ANAPC10: variants seen among roughly 807,000 people sequenced by gnomAD.
ANAPC10 encodes the protein anaphase-promoting complex subunit 10.
In ANAPC10, 12 loss-of-function variants were observed where a neutral mutation model predicts 22.0. The observed-to-expected ratio is 0.55, with a 90% CI of 0.35 to 0.88. ANAPC10 has a LOEUF of 0.88. ANAPC10 is among the 40% of genes least tolerant of loss of function. ANAPC10 has a pLI of 0.01. For missense variants in ANAPC10, 188 were observed against 220.9 expected (o/e 0.85, Z 0.94); for synonymous variants, 65 against 69.5 (o/e 0.94, Z 0.32).
chr4:145,003,274 A>C (rs1485811085), intron 4 of ANAPC10, among the ~76,000 whole-genome samples: 3 of 152,304 alleles, frequency 2.0e-5, no homozygotes, highest in Non-Finnish European at 4.4e-5. Context: ...CATTTAAAAA[A>C]TCTACTCTAC....
chr4:145,022,057 T>C (rs2126992476), intron 4 of ANAPC10, among the ~76,000 whole-genome samples: 1 of 152,240 alleles, frequency 6.6e-6, no homozygotes, highest in African/African-American at 2.4e-5. Context: ...TCTACACTGC[T>C]GGAATGTAAA....
intron 2 of ANAPC10, among the ~76,000 whole-genome samples, chr4:145,092,551 C>A (rs1014637281): frequency 6.6e-6 from 1 of 152,082 alleles, no homozygotes; most frequent in African/African-American, 2.4e-5. Flanking sequence ...TGACAAAGAC[C>A]AAATGCAGGC....
intron 4 of ANAPC10, among the ~76,000 whole-genome samples, chr4:145,029,920 A>G (rs1245072439): frequency 6.6e-6 from 1 of 152,168 alleles, no homozygotes; most frequent in Non-Finnish European, 1.5e-5. Flanking sequence ...TCTTCTCTGT[A>G]TGTCAGATCT....
At chr4:145,052,696 T>C (rs1275186940) in intron 4 of ANAPC10, among the ~76,000 whole-genome samples, 1 of 151,856 alleles carries the variant, frequency 6.6e-6, no homozygotes, top group Admixed American at 6.6e-5. Flanking sequence ...GGTCCGGAGA[T>C]TGAGACCATC....
chr4:145,016,866 G>A (rs956083447), intron 4 of ANAPC10, among the ~76,000 whole-genome samples: 1 of 152,114 alleles, frequency 6.6e-6, no homozygotes, highest in African/African-American at 2.4e-5. Flanking sequence ...AACAAGAAAT[G>A]GGGAAAGGAT....
At chr4:144,999,675 C>T (rs964864663) in intron 4 of ANAPC10, among the ~76,000 whole-genome samples, 1 of 152,210 alleles carries the variant, frequency 6.6e-6, no homozygotes, top group Non-Finnish European at 1.5e-5. Context: ...CTACCAATGA[C>T]TTTCTTCATA....
chr4:145,004,478 T>C (rs772055732), intron 4 of ANAPC10, among the ~76,000 whole-genome samples: 5 of 152,196 alleles, frequency 3.3e-5, no homozygotes, highest in Admixed American at 6.5e-5. Flanking sequence ...GGCTGTGGGT[T>C]TGTCAAAGAT....
chr4:145,020,460 C>T lies in ANAPC10; in HGVS notation c.328-24857G>A, dbSNP rs111909725. ...GTAATAAAAGCCATCTATGACAAAC[C>T]CACAGCAAATATAATACTGAATGGC... On this transcript the variant is annotated intron_variant, in intron 4 of 4. Coordinates refer to ENST00000507656, the MANE Select transcript of ANAPC10 (RefSeq NM_001256706.2). Among the ~76,000 whole-genome samples, 1,188 of 152,150 alleles carry T rather than the reference C, an allele frequency of 7.8e-3. 18 individuals are homozygous for T. Among genetic ancestry groups the T allele is most frequent in the African/African-American group, 0.026 (1,096 of 41,508 alleles).
At chr4:145,077,647 C>G (rs1745383424) in intron 3 of ANAPC10, among the ~76,000 whole-genome samples, 2 of 152,134 alleles carry the variant, frequency 1.3e-5, no homozygotes, top group South Asian at 4.1e-4. Context: ...CTGAAACCAG[C>G]AGCACATCAA....
At chr4:145,031,714 AG>A (rs1354915491) in intron 4 of ANAPC10, among the ~76,000 whole-genome samples, 1 of 152,138 alleles carries the variant, frequency 6.6e-6, no homozygotes, top group African/African-American at 2.4e-5. Context: ...TGCTGTTTGG[AG>A]CCTTTGGCAG....
chr4:145,050,247 T>C (rs978005479), intron 4 of ANAPC10, among the ~76,000 whole-genome samples: 6 of 152,214 alleles, frequency 3.9e-5, no homozygotes, highest in East Asian at 1.9e-4. Flanking sequence ...ACTATGTCCA[T>C]TGTCAACAAG....
At chr4:145,030,744 T>A (rs1466388610) in intron 4 of ANAPC10, among the ~76,000 whole-genome samples, 4 of 152,202 alleles carry the variant, frequency 2.6e-5, no homozygotes. Flanking sequence ...AAAGGCCAAA[T>A]GGAAGCCAAT....
At chr4:145,041,020 A>G (rs1739428959) in intron 4 of ANAPC10, among the ~76,000 whole-genome samples, 1 of 152,198 alleles carries the variant, frequency 6.6e-6, no homozygotes, top group African/African-American at 2.4e-5. Context: ...CTCCAGTTAT[A>G]TTAAAAAAAA....
At chr4:145,061,323 T>C (rs574498916) in intron 4 of ANAPC10, among the ~76,000 whole-genome samples, 5 of 152,112 alleles carry the variant, frequency 3.3e-5, no homozygotes, top group Admixed American at 6.6e-5. Context: ...AAATCCTTAT[T>C]TAATGTCAGT....
At chr4:145,065,541 T>C (rs1040381468) in intron 3 of ANAPC10, among the ~76,000 whole-genome samples, 2 of 151,890 alleles carry the variant, frequency 1.3e-5, no homozygotes, top group African/African-American at 2.4e-5. Context: ...CACTCAAAAA[T>C]TGATGTCTAA....
chr4:145,088,297 T>C (rs768701869), intron 2 of ANAPC10, among the ~76,000 whole-genome samples: 21 of 152,292 alleles, frequency 1.4e-4, no homozygotes, highest in Non-Finnish European at 2.1e-4. Context: ...TAGAATATCA[T>C]TGGCACACTG....
intron 3 of ANAPC10, among the ~76,000 whole-genome samples, chr4:145,071,204 C>T (rs1282812738): frequency 6.6e-6 from 1 of 152,078 alleles, no homozygotes; most frequent in Non-Finnish European, 1.5e-5. Flanking sequence ...GTTGGGATTT[C>T]GAGAATAGCC....
chr4:145,097,007 T>C (rs34528870), intron 1 of ANAPC10, among the ~76,000 whole-genome samples: 65 of 152,190 alleles, frequency 4.3e-4, no homozygotes, highest in African/African-American at 1.5e-3. Context: ...GCCCAGGAGT[T>C]CGAGACCAGC....
At position 144,994,601 on chromosome 4, in the gene ANAPC10, T is replaced by TA. The variant is rs531692878; in HGVS notation, c.*771dup. 7 of 152,186 alleles carry TA rather than the reference T, an allele frequency of 4.6e-5. 1 individual carries two copies. The South Asian group carries it at 1.4e-3, about 32-fold the overall frequency. 9.4% of individuals were successfully genotyped at this position (152,186 alleles called of 1,614,324 possible). A position where few individuals can be genotyped will look rare whatever the true frequency, so the allele number is the denominator to read the frequency against. On this transcript the variant is annotated 3_prime_UTR_variant, in exon 5 of 5. Transcript: ENST00000507656. ...TTTCTTTAAAATCTTTTAATATATA[T>TA]AAAAAATTTCACATACTTTTACGAT...
Sources: gnomAD v4.1 joint callset for allele counts (sites outside exome capture counted in the v4.1 genomes callset) on GRCh38, gnomAD v4.1.1 for gene constraint, MANE v1.5 for transcripts, NCBI Gene and HGNC (gene_info 2026-07-23, HGNC 2026-07-21) for gene names.